Variants in SLC9B1 observed in about 807,000 individuals in gnomAD.
SLC9B1 encodes solute carrier family 9 member B1, also known as sodium/hydrogen exchanger 9B1.
In SLC9B1, 32 loss-of-function variants were observed where a neutral mutation model predicts 51.7. The ratio of observed to expected loss-of-function variants is 0.62; its 90% CI spans 0.47 to 0.83. SLC9B1 has a LOEUF of 0.83. SLC9B1 is among the 40% of genes least tolerant of loss of function. The pLI, the probability that SLC9B1 is intolerant of heterozygous loss-of-function variation, is 0.00. For synonymous variants in SLC9B1, 145 were observed against 212.7 expected (o/e 0.68, Z 2.77); for missense variants, 406 against 613.2 (o/e 0.66, Z 3.57).
chr4:102,989,084 T>C (rs893704909), intron 3 of SLC9B1, among the ~76,000 whole-genome samples: 1 of 151,562 alleles, frequency 6.6e-6, no homozygotes, highest in Non-Finnish European at 1.5e-5. Flanking sequence ...CTGACGTAAA[T>C]TAAAAAGCAA....
chr4:102,957,782 ATGTG>A (rs199987719), intron 3 of SLC9B1, among the ~76,000 whole-genome samples: 241 of 146,960 alleles, frequency 1.6e-3, no homozygotes, highest in African/African-American at 5.3e-3. Context: ...ATGTGTGTAT[ATGTG>A]TGTGTGTGTG....
At chr4:102,994,089 C>T (rs1000095625) in intron 1 of SLC9B1, among the ~76,000 whole-genome samples, 1 of 152,180 alleles carries the variant, frequency 6.6e-6, no homozygotes, top group Non-Finnish European at 1.5e-5. Flanking sequence ...TAACATTTGA[C>T]TCCTCATTAC....
chr4:102,904,753 G>A (rs1446158049), intron 11 of SLC9B1, among the ~76,000 whole-genome samples: 3 of 152,058 alleles, frequency 2.0e-5, no homozygotes, highest in Admixed American at 6.6e-5. Flanking sequence ...AGGCTGAGGC[G>A]GGTGGATCAC....
intron 11 of SLC9B1, among the ~76,000 whole-genome samples, chr4:102,885,916 T>C (rs1733886524): frequency 6.6e-6 from 1 of 152,176 alleles, no homozygotes. Flanking sequence ...TAGTAAATGA[T>C]AGCCTCAATT....
intron 11 of SLC9B1, among the ~76,000 whole-genome samples, chr4:102,903,731 G>T (rs1355060774): frequency 6.6e-6 from 1 of 152,210 alleles, no homozygotes; most frequent in Non-Finnish European, 1.5e-5. Context: ...TTTAGGAGGA[G>T]GAGAATATCC....
chr4:102,922,108 A>G (rs1295120459), intron 7 of SLC9B1, among the ~76,000 whole-genome samples: 3 of 152,236 alleles, frequency 2.0e-5, no homozygotes, highest in African/African-American at 4.8e-5. Context: ...CAGAGTATAC[A>G]TTCTTCTCAG....
intron 5 of SLC9B1, 76 bp from the exon 6 acceptor site, chr4:102,945,396 A>G (rs1232896904): frequency 7.0e-7 from 1 of 1,435,448 alleles, no homozygotes; most frequent in Non-Finnish European, 9.3e-7. Context: ...ATGTCAAACT[A>G]TAAAGTCTTT....
At chr4:103,009,456 C>T (rs59904056) in intron 1 of SLC9B1, among the ~76,000 whole-genome samples, 1,884 of 152,178 alleles carry the variant, frequency 0.012, 38 homozygotes, top group African/African-American at 0.042. Flanking sequence ...AAAGGTATGC[C>T]AATTAAATTT....
chr4:102,997,770 A>T (rs1315503611), intron 1 of SLC9B1, among the ~76,000 whole-genome samples: 1 of 152,036 alleles, frequency 6.6e-6, no homozygotes, highest in Non-Finnish European at 1.5e-5. Context: ...TAAATTCCTT[A>T]TTTCTTTGCC....
Position 102,981,562 on chromosome 4 carries a change from T to C in SLC9B1, c.211+8238A>G, listed in dbSNP as rs552391901. 2.6e-5 allele frequency among the ~76,000 whole-genome samples: 4 copies of C among 152,286 alleles called. No homozygotes were observed. In the South Asian group the frequency reaches 8.3e-4, roughly 32 times the overall value. On this transcript the variant is annotated intron_variant, in intron 3 of 11. Coordinates refer to ENST00000296422, the MANE Select transcript of SLC9B1 (RefSeq NM_139173.4). Reference sequence around the variant, plus strand: ...TATGGCCATCCTAATAGGTGTGTAGTGGTCTCTCACTGTTGTGTTAATTTA... The same window carrying C: ...TATGGCCATCCTAATAGGTGTGTAGCGGTCTCTCACTGTTGTGTTAATTTA...
Position 102,906,596 on chromosome 4 carries a change from G to A in SLC9B1, c.1135C>T (p.Leu379Phe). 6.3e-7 allele frequency: 1 copy of A among 1,590,618 alleles called. No homozygotes were observed. The highest frequency in any genetic ancestry group is 8.5e-7 in the Non-Finnish European group (1 of 1,175,880). ...TCTGCTCCAACTAAACCAAAAAGAAGTGGTTGAAAAATATCCCATACAGTC... is the reference window on the plus strand; with the variant it reads ...TCTGCTCCAACTAAACCAAAAAGAAATGGTTGAAAAATATCCCATACAGTC... ...ITTVWDIFQP[L>F]LFGLVGAEVS... The change falls in exon 10 of 12, where the codon CTT becomes TTT. Residue 379 changes from leucine to phenylalanine, a missense_variant. This residue lies in a region of SLC9B1 where 250 missense variants were observed against 394.1 expected (regional missense o/e 0.63). Transcript: ENST00000296422.
intron 6 of SLC9B1, chr4:102,941,404 C>T (rs1736986876): frequency 2.2e-6 from 1 of 450,264 alleles, no homozygotes; most frequent in East Asian, 7.1e-5. Context: ...TATTCAACAT[C>T]ACTAACATTA....
intron 9 of SLC9B1, among the ~76,000 whole-genome samples, chr4:102,908,619 A>T (rs1456404420): frequency 6.6e-6 from 1 of 152,240 alleles, no homozygotes; most frequent in African/African-American, 2.4e-5. Flanking sequence ...ATATTAAATG[A>T]TAATATACAA....
intron 1 of SLC9B1, among the ~76,000 whole-genome samples, chr4:103,006,071 G>C (rs187859176): frequency 8.2e-4 from 125 of 152,170 alleles, no homozygotes; most frequent in Non-Finnish European, 1.6e-3. Flanking sequence ...CCCAAGGTTA[G>C]CAGAAGAAAA....
rs1735067880 is a variant in SLC9B1 at position 102,906,609 on chromosome 4, A to G, written c.1122T>C (p.Asp374=). 7 of 1,589,408 alleles carry G rather than the reference A, an allele frequency of 4.4e-6. No homozygotes were observed. The highest frequency in any genetic ancestry group is 2.3e-4 in the Middle Eastern group (1 of 4,406). Residue 374 remains aspartate (D), a synonymous_variant, in exon 10 of 12, where the codon GAT becomes GAC. Transcript: ENST00000296422. The part of the protein sequence containing the change: ...KVQKIITTVW[D]IFQPLLFGLV... ...AACCAAAAAGAAGTGGTTGAAAAAT[A>G]TCCCATACAGTCGTAATAATCTTTT... is the stretch of plus-strand genomic sequence containing the variant.
chr4:102,930,549 T>A (rs1224783573), intron 7 of SLC9B1, among the ~76,000 whole-genome samples: 1 of 152,170 alleles, frequency 6.6e-6, no homozygotes, highest in African/African-American at 2.4e-5. Context: ...GGATTACAGA[T>A]GCCCACCACC....
intron 1 of SLC9B1, among the ~76,000 whole-genome samples, chr4:102,998,746 A>C (rs1372189676): frequency 2.0e-5 from 3 of 152,130 alleles, no homozygotes; most frequent in African/African-American, 4.8e-5. Context: ...AATGGTATCT[A>C]CTGTAGTTTT....
At chr4:102,924,085 A>G (rs535008360) in intron 7 of SLC9B1, among the ~76,000 whole-genome samples, 43 of 152,258 alleles carry the variant, frequency 2.8e-4, no homozygotes, top group African/African-American at 1.0e-3. Context: ...CCAAAAAAGA[A>G]CCTGCATTGC....
intron 1 of SLC9B1, among the ~76,000 whole-genome samples, chr4:102,998,625 G>A (rs1243052823): frequency 6.6e-6 from 1 of 150,754 alleles, no homozygotes; most frequent in Non-Finnish European, 1.5e-5. Context: ...TTCACAGCAG[G>A]TACATCATTT....
Sources: gnomAD v4.1 joint callset for allele counts (sites outside exome capture counted in the v4.1 genomes callset) on GRCh38, gnomAD v4.1.1 for gene constraint, gnomAD v4.1.1 regional missense constraint, MANE v1.5 for transcripts, NCBI Gene and HGNC (gene_info 2026-07-23, HGNC 2026-07-21) for gene names.